Variants in PSTPIP1 observed in about 807,000 individuals in gnomAD.
PSTPIP1 encodes the protein proline-serine-threonine phosphatase interacting protein 1, also known as proline-serine-threonine phosphatase-interacting protein 1.
In PSTPIP1, 66 loss-of-function variants were observed where a neutral mutation model predicts 69.6. That is an observed-to-expected ratio of 0.95 (90% confidence interval 0.78 to 1.16). The LOEUF is 1.16. Among genes scored for constraint, PSTPIP1 ranks in the 50% most tolerant of loss-of-function variants. The probability of loss-of-function intolerance (pLI) is 0.00; values close to 1 mark genes in which losing one functional copy is unlikely to be tolerated. For synonymous variants in PSTPIP1, 266 were observed against 222.7 expected (o/e 1.19, Z -1.73); for missense variants, 603 against 557.4 (o/e 1.08, Z -0.82).
At chr15:77,008,992 C>T (rs565180192) in intron 1 of PSTPIP1, among the ~76,000 whole-genome samples, 11 of 152,314 alleles carry the variant, frequency 7.2e-5, no homozygotes, top group South Asian at 2.1e-4. Context: ...TGGCCCGCTT[C>T]GATCCTACTA....
intron 11 of PSTPIP1, chr15:77,032,607 G>T: frequency 1.6e-6 from 1 of 630,680 alleles, no homozygotes; most frequent in South Asian, 2.0e-5. Context: ...AGAGGAAGAG[G>T]TGGGGATGGG....
intron 10 of PSTPIP1, chr15:77,031,860 C>T (rs2076425646): frequency 5.4e-6 from 1 of 186,688 alleles, no homozygotes; most frequent in Non-Finnish European, 1.1e-5. Flanking sequence ...ACGCTCCTGT[C>T]CGGGGCTGTG....
intron 1 of PSTPIP1, among the ~76,000 whole-genome samples, chr15:77,005,507 G>A (rs1250929168): frequency 2.0e-5 from 3 of 152,104 alleles, no homozygotes; most frequent in African/African-American, 7.2e-5. Flanking sequence ...TGGGGGTGGT[G>A]GTAATTATAT....
Position 77,028,663 on chromosome 15 carries a change from C to G in PSTPIP1, c.516+11C>G, listed in dbSNP as rs1448338900. ...AAGCAGGTGGAGAAGGTGCGCTGGG[C>G]TGCTGGGCCGTGTGGGTCGCCCAGG... On this transcript the variant is annotated intron_variant, in intron 7 of 14. Transcript: ENST00000558012. 2 of 1,545,602 alleles carry G rather than the reference C, an allele frequency of 1.3e-6. No homozygotes were observed. Among genetic ancestry groups the G allele is most frequent in the Non-Finnish European group, 1.7e-6 (2 of 1,142,992 alleles).
At chr15:77,018,841 G>A (rs1023564281) in intron 3 of PSTPIP1, among the ~76,000 whole-genome samples, 1 of 152,204 alleles carries the variant, frequency 6.6e-6, no homozygotes, top group Non-Finnish European at 1.5e-5. Flanking sequence ...GCAGGTGACA[G>A]GCGTCTCCAC....
At chr15:77,029,391 A>G in intron 7 of PSTPIP1, 138 bp from the exon 8 acceptor site, 3 of 937,480 alleles carry the variant, frequency 3.2e-6, no homozygotes, top group Non-Finnish European at 4.9e-6. Context: ...CTTGTGGATG[A>G]TGGCATCTGC....
intron 11 of PSTPIP1, 132 bp downstream of exon 11, chr15:77,032,526 AG>A: frequency 1.0e-6 from 1 of 973,492 alleles, no homozygotes; most frequent in Non-Finnish European, 1.5e-6. Flanking sequence ...AAGCCCTAGC[AG>A]GGGTTGTGGG....
chr15:77,028,011 A>G, intron 6 of PSTPIP1, 97 bp downstream of exon 6: 1 of 1,162,766 alleles, frequency 8.6e-7, no homozygotes, highest in South Asian at 1.3e-5. Flanking sequence ...GGCATTTGGA[A>G]CAGGCTGACC....
At chr15:77,035,746 T>A (rs1181657035) in intron 13 of PSTPIP1, 56 bp from the exon 14 acceptor site, 1 of 1,501,148 alleles carries the variant, frequency 6.7e-7, no homozygotes, top group East Asian at 2.4e-5. Context: ...CTAGTAGGAC[T>A]TCCAGGGGCC....
chr15:76,998,339 C>A (rs2075625019), intron 1 of PSTPIP1, among the ~76,000 whole-genome samples: 1 of 152,176 alleles, frequency 6.6e-6, no homozygotes, highest in African/African-American at 2.4e-5. Flanking sequence ...AGGAGGGGAG[C>A]CAGCCCTGCT....
Position 77,028,755 on chromosome 15 carries a change from G to C in PSTPIP1, c.516+103G>C, listed in dbSNP as rs1035481871. ...ACCCCCAGGCAAGATCTGCATCTGG[G>C]GATGCTGCTTAGCCCTCTCTGACCC... On this transcript the variant is annotated intron_variant, in intron 7 of 14. Coordinates refer to ENST00000558012, the MANE Select transcript of PSTPIP1 (RefSeq NM_003978.5). 6.8e-6 allele frequency: 7 copies of C among 1,033,248 alleles called. No individual in the cohort carries two copies. In the African/African-American group the frequency reaches 1.2e-4, roughly 17 times the overall value. 64.0% of individuals were successfully genotyped at this position (1,033,248 alleles called of 1,614,324 possible).
intron 3 of PSTPIP1, among the ~76,000 whole-genome samples, chr15:77,023,223 C>T (rs1416941303): frequency 6.6e-6 from 1 of 152,258 alleles, no homozygotes; most frequent in Non-Finnish European, 1.5e-5. Flanking sequence ...TTGCCCCTGT[C>T]CTCAAGGGCT....
chr15:77,032,691 T>G (rs2076449986), intron 11 of PSTPIP1, 171 bp from the exon 12 acceptor site: 2 of 643,266 alleles, frequency 3.1e-6, no homozygotes, highest in African/African-American at 1.8e-5. Context: ...TCCAGAATAT[T>G]AGGTCTTGAT....
chr15:77,030,757 C>T (rs1306513150), intron 9 of PSTPIP1, among the ~76,000 whole-genome samples, 176 bp downstream of exon 9: 2 of 152,358 alleles, frequency 1.3e-5, no homozygotes, highest in Non-Finnish European at 1.5e-5. Context: ...TGTTGCTTGT[C>T]GCCTGGCCTT....
chr15:77,008,648 A>C (rs953306865), intron 1 of PSTPIP1, among the ~76,000 whole-genome samples: 31 of 152,108 alleles, frequency 2.0e-4, no homozygotes, highest in Non-Finnish European at 4.4e-4. Flanking sequence ...GACCTCAGGT[A>C]ATCCACCCGC....
rs554161203 is a variant in PSTPIP1, at chr15:77,029,561, G to A, written c.549G>A (p.Ser183=). Residue 183 remains serine, a synonymous_variant, in exon 8 of 15, where the codon TCG becomes TCA. Transcript: ENST00000558012. ...ACAAAGCCAGGCAGTGCAAGGACTC[G>A]GCCACCGAGGCAGGTATGTGGGCCT... is the stretch of plus-strand genomic sequence containing the variant. ...SQNKARQCKD[S]ATEAERVYRQ... 5.3e-5 allele frequency: 84 copies of A among 1,582,354 alleles called. 1 individual carries two copies. In the South Asian group the frequency reaches 5.6e-4, roughly 10 times the overall value.
Position 77,031,180 on chromosome 15 carries a change from G to T in PSTPIP1, c.643G>T (p.Ala215Ser). The T allele has an allele frequency of 6.2e-7, 1 of 1,612,146 alleles. No individual in the cohort carries two copies. The highest frequency in any genetic ancestry group is 8.5e-7 in the Non-Finnish European group (1 of 1,179,392). Residue 215 changes from alanine to serine, a missense_variant and splice_region_variant, in exon 10 of 15, where the codon GCC (alanine) becomes TCC (serine). Transcript: ENST00000558012. Reference protein sequence around the residue: ...WEQEHRTTCEAFQLQEFDRLT... With the variant: ...WEQEHRTTCESFQLQEFDRLT... ...CTCACCTCCCTCCCACTGCCCCCAGGCCTTTCAGCTGCAAGAGTTTGACCG... is the reference window on the plus strand; with the variant it reads ...CTCACCTCCCTCCCACTGCCCCCAGTCCTTTCAGCTGCAAGAGTTTGACCG...
chr15:77,030,691 G>A lies in PSTPIP1; in HGVS notation c.642+110G>A, dbSNP rs2076393621. On this transcript the variant is annotated intron_variant, in intron 9 of 14. Transcript: ENST00000558012. ...AGTGAGGCAGTTGGGGAAGGTACCT[G>A]TTACTCACTCGTTTATTCAGCCTCC... is the stretch of plus-strand genomic sequence containing the variant. 5 of 1,078,292 alleles carry A rather than the reference G, an allele frequency of 4.6e-6. No homozygotes were observed. In the South Asian group the frequency reaches 5.3e-5, roughly 11 times the overall value. The allele number at this position is 1,078,292 out of a possible 1,614,324, so 66.8% of individuals were successfully genotyped here.
upstream of PSTPIP1, chr15:76,994,908 A>G: frequency 7.8e-7 from 1 of 1,281,980 alleles, no homozygotes; most frequent in African/African-American, 1.5e-5. Flanking sequence ...CTGGCGGGTG[A>G]CACACCTGGG....
Sources: gnomAD v4.1 joint callset for allele counts (sites outside exome capture counted in the v4.1 genomes callset) on GRCh38, gnomAD v4.1.1 for gene constraint, MANE v1.5 for transcripts, NCBI Gene and HGNC (gene_info 2026-07-23, HGNC 2026-07-21) for gene names.